CTIF: variants seen among roughly 807,000 people sequenced by gnomAD.
CTIF encodes CBP80/20-dependent translation initiation factor.
In CTIF, 21 loss-of-function variants were observed where a neutral mutation model predicts 66.0. The observed-to-expected ratio is 0.32, with a 90% CI of 0.23 to 0.46. The LOEUF is 0.46. Ranked by LOEUF, CTIF falls within the 20% of genes least tolerant of loss-of-function variation. The probability of loss-of-function intolerance (pLI) is 1.00; values close to 1 mark genes in which losing one functional copy is unlikely to be tolerated. For synonymous variants in CTIF, 345 were observed against 326.4 expected (o/e 1.06, Z -0.62); for missense variants, 739 against 812.7 (o/e 0.91, Z 1.10).
At chr18:48,584,999 A>G (rs1382931653) in intron 1 of CTIF, among the ~76,000 whole-genome samples, 1 of 152,222 alleles carries the variant, frequency 6.6e-6, no homozygotes, top group East Asian at 1.9e-4. Context: ...TTCTGAAAGG[A>G]CAGAGGCACC....
At chr18:48,599,396 A>G (rs2090049722) in intron 1 of CTIF, among the ~76,000 whole-genome samples, 1 of 152,154 alleles carries the variant, frequency 6.6e-6, no homozygotes, top group South Asian at 2.1e-4. Flanking sequence ...AAAATACAGA[A>G]ACAGCAAAAG....
At chr18:48,773,459 G>A (rs1345198244) in intron 9 of CTIF, among the ~76,000 whole-genome samples, 2 of 152,204 alleles carry the variant, frequency 1.3e-5, no homozygotes. Flanking sequence ...TGGAACTGTG[G>A]CATTTCCACC....
chr18:48,560,458 C>T (rs551695239), intron 1 of CTIF, among the ~76,000 whole-genome samples: 19 of 152,264 alleles, frequency 1.2e-4, no homozygotes, highest in African/African-American at 4.6e-4. Context: ...ATCTCCTGAC[C>T]TTGTGATCTG....
At chr18:48,785,268 G>T (rs540382351) in intron 9 of CTIF, among the ~76,000 whole-genome samples, 1 of 152,258 alleles carries the variant, frequency 6.6e-6, no homozygotes, top group African/African-American at 2.4e-5. Flanking sequence ...ACTCTTAGAG[G>T]CTCCAAACCG....
At chr18:48,601,273 C>T (rs1465938328) in intron 1 of CTIF, among the ~76,000 whole-genome samples, 2 of 152,216 alleles carry the variant, frequency 1.3e-5, no homozygotes, top group African/African-American at 4.8e-5. Context: ...TGTGTTTTCC[C>T]CCACCTTGAT....
chr18:48,702,017 G>T (rs1211596066), intron 6 of CTIF, among the ~76,000 whole-genome samples: 1 of 152,230 alleles, frequency 6.6e-6, no homozygotes, highest in African/African-American at 2.4e-5. Context: ...TCTTAATAGT[G>T]TGGCAAAGGA....
At chr18:48,708,883 G>C (rs1179751855) in intron 6 of CTIF, among the ~76,000 whole-genome samples, 1 of 152,108 alleles carries the variant, frequency 6.6e-6, no homozygotes, top group East Asian at 1.9e-4. Flanking sequence ...TCTTTTCCAA[G>C]GCTGGGGGCT....
chr18:48,580,019 C>A (rs1421087873), intron 1 of CTIF, among the ~76,000 whole-genome samples: 2 of 152,248 alleles, frequency 1.3e-5, no homozygotes, highest in African/African-American at 4.8e-5. Context: ...ATCCATCCAT[C>A]CGTCCGTTCA....
At chr18:48,842,076 G>A (rs1326990553) in intron 10 of CTIF, among the ~76,000 whole-genome samples, 1 of 152,120 alleles carries the variant, frequency 6.6e-6, no homozygotes, top group African/African-American at 2.4e-5. Context: ...GGTCCTGCCA[G>A]GGGGTGGGAG....
chr18:48,640,384 T>C (rs2090905687), intron 3 of CTIF, among the ~76,000 whole-genome samples: 1 of 152,224 alleles, frequency 6.6e-6, no homozygotes, highest in Non-Finnish European at 1.5e-5. Flanking sequence ...TTGTACTCAG[T>C]AGGCACTCAA....
rs1461757369 is a variant in CTIF, at chr18:48,761,087, G to T, written c.1072-303G>T. The stretch of plus-strand genomic sequence containing the variant: ...CATAATTTCCATTAAATCTTTTCTA[G>T]ATTAAGATATTTGATGGACAAATAA... On this transcript the variant is annotated intron_variant, in intron 8 of 11. Coordinates refer to ENST00000256413, the MANE Select transcript of CTIF (RefSeq NM_014772.3). The surrounding 1 kb of genome is among the most constrained non-coding windows in gnomAD (Gnocchi z 4.2). 1 of 276,810 alleles carries T rather than the reference G, an allele frequency of 3.6e-6. No homozygotes were observed. The allele number at this position is 276,810 out of a possible 1,614,324, so 17.1% of individuals were successfully genotyped here. A position where few individuals can be genotyped will look rare whatever the true frequency, so the allele number is the denominator to read the frequency against.
chr18:48,697,388 A>G (rs947489132), intron 6 of CTIF, among the ~76,000 whole-genome samples: 1 of 152,178 alleles, frequency 6.6e-6, no homozygotes, highest in African/African-American at 2.4e-5. Context: ...GTGCTGTGTG[A>G]CCAGATGGAT....
intron 6 of CTIF, among the ~76,000 whole-genome samples, chr18:48,679,299 CA>C (rs1407111977): frequency 6.6e-6 from 1 of 152,140 alleles, no homozygotes; most frequent in African/African-American, 2.4e-5. Context: ...TGCTAAGAGT[CA>C]AAATACAATA....
At chr18:48,804,998 C>A (rs1387694029) in intron 9 of CTIF, among the ~76,000 whole-genome samples, 1 of 152,226 alleles carries the variant, frequency 6.6e-6, no homozygotes, top group African/African-American at 2.4e-5. Context: ...TCACAGGAAC[C>A]AACTTGAGGT....
intron 1 of CTIF, among the ~76,000 whole-genome samples, chr18:48,592,541 TG>T (rs1282556490): frequency 4.0e-5 from 6 of 151,258 alleles, no homozygotes; most frequent in Non-Finnish European, 8.8e-5. Context: ...CAGCTCTCCC[TG>T]GCCTTCCGTT....
intron 3 of CTIF, among the ~76,000 whole-genome samples, chr18:48,661,105 C>T (rs1011572453): frequency 3.3e-5 from 5 of 152,312 alleles, no homozygotes; most frequent in Non-Finnish European, 5.9e-5. Context: ...GTGTGCCTGG[C>T]TTGGCCACTG....
chr18:48,652,068 A>G (rs1323583441), intron 3 of CTIF, among the ~76,000 whole-genome samples: 1 of 152,224 alleles, frequency 6.6e-6, no homozygotes, highest in Non-Finnish European at 1.5e-5. Flanking sequence ...ATCACAATTA[A>G]AAGAACTAGA....
chr18:48,814,483 A>G (rs554869739), intron 9 of CTIF, among the ~76,000 whole-genome samples: 57 of 152,298 alleles, frequency 3.7e-4, no homozygotes, highest in African/African-American at 1.4e-3. Flanking sequence ...TTTTCATTCA[A>G]GTTCTAGTAC....
At chr18:48,616,809 C>G (rs532928872) in intron 1 of CTIF, among the ~76,000 whole-genome samples, 1 of 152,154 alleles carries the variant, frequency 6.6e-6, no homozygotes, top group Non-Finnish European at 1.5e-5. Flanking sequence ...AATGCTCTGG[C>G]CTTCTGTGCA....
Sources: gnomAD v4.1 joint callset for allele counts (sites outside exome capture counted in the v4.1 genomes callset) on GRCh38, gnomAD v4.1.1 for gene constraint, Gnocchi (gnomAD v3.1) non-coding constraint, MANE v1.5 for transcripts, NCBI Gene and HGNC (gene_info 2026-07-23, HGNC 2026-07-21) for gene names.